Variants in UCHL3 observed in about 807,000 individuals in gnomAD.
The protein encoded by UCHL3 is ubiquitin C-terminal hydrolase L3, also known as ubiquitin carboxyl-terminal hydrolase isozyme L3.
A neutral mutation model predicts 35.8 loss-of-function variants in UCHL3; 22 were observed. The ratio of observed to expected loss-of-function variants is 0.61; its 90% confidence interval spans 0.44 to 0.88. The LOEUF (loss-of-function observed/expected upper bound fraction) is 0.88, where lower values mean the gene tolerates loss of function less well. Ranked by LOEUF, UCHL3 falls within the 40% of genes least tolerant of loss-of-function variation. UCHL3 has a pLI of 0.00. For missense variants in UCHL3, 229 were observed against 276.9 expected, an observed-to-expected ratio of 0.83 and a Z score of 1.23; for synonymous variants, 90 against 92.8, an observed-to-expected ratio of 0.97 and a Z score of 0.17.
chr13:75,573,519 G>T (rs980727790), intron 6 of UCHL3, among the ~76,000 whole-genome samples: 3 of 152,136 alleles, frequency 2.0e-5, no homozygotes, highest in African/African-American at 4.8e-5. Context: ...TGTCAGCAGG[G>T]TTGGCTTCTA....
At chr13:75,556,627 A>G (rs2031301062) in intron 2 of UCHL3, among the ~76,000 whole-genome samples, 1 of 152,178 alleles carries the variant, frequency 6.6e-6, no homozygotes, top group African/African-American at 2.4e-5. Flanking sequence ...AGAATTTGTT[A>G]TAATTTAGGG....
chr13:75,549,929 G>A (rs770547075), intron 1 of UCHL3, 47 bp from the exon 2 acceptor site: 1 of 1,614,202 alleles, frequency 6.2e-7, no homozygotes, highest in Non-Finnish European at 8.5e-7. Context: ...GCTGCCGCGA[G>A]TCCACGGTGG....
At chr13:75,588,732 T>G (rs1208572583) in intron 6 of UCHL3, among the ~76,000 whole-genome samples, 1 of 152,194 alleles carries the variant, frequency 6.6e-6, no homozygotes, top group Non-Finnish European at 1.5e-5. Context: ...TCATGTTCCT[T>G]AAGAGAAATC....
At chr13:75,591,588 T>G (rs1470206621) in intron 6 of UCHL3, among the ~76,000 whole-genome samples, 5 of 152,220 alleles carry the variant, frequency 3.3e-5, no homozygotes, top group Admixed American at 6.5e-5. Context: ...ATGTTGATCT[T>G]GGCTCCATAT....
intron 6 of UCHL3, among the ~76,000 whole-genome samples, chr13:75,593,687 C>A (rs1214537118): frequency 6.6e-6 from 1 of 152,152 alleles, no homozygotes; most frequent in Non-Finnish European, 1.5e-5. Flanking sequence ...CTTGCCACAT[C>A]AGTTTATGTT....
At chr13:75,590,274 ATCTC>A in intron 6 of UCHL3, 1 of 1,172,438 alleles carries the variant, frequency 8.5e-7, no homozygotes, top group Non-Finnish European at 1.1e-6. Context: ...TTGCAAGCAT[ATCTC>A]TATGCTTTGC....
chr13:75,603,229 ATCT>A (rs1410126853), intron 7 of UCHL3, among the ~76,000 whole-genome samples: 1 of 152,134 alleles, frequency 6.6e-6, no homozygotes, highest in Admixed American at 6.5e-5. Flanking sequence ...GCCTCAAGCA[ATCT>A]TCTTAAATTA....
chr13:75,550,583 A>G (rs761240122), intron 2 of UCHL3, among the ~76,000 whole-genome samples: 14 of 152,068 alleles, frequency 9.2e-5, no homozygotes, highest in Admixed American at 3.9e-4. Context: ...TTTGCAATCT[A>G]TAGCAATTTA....
intron 2 of UCHL3, among the ~76,000 whole-genome samples, chr13:75,550,994 A>G (rs2031084406): frequency 6.6e-6 from 1 of 152,202 alleles, no homozygotes; most frequent in African/African-American, 2.4e-5. Context: ...TTTTTAAATC[A>G]GGCTAAGGAA....
At chr13:75,565,106 AT>A (rs920256653) in intron 3 of UCHL3, among the ~76,000 whole-genome samples, 20 of 151,892 alleles carry the variant, frequency 1.3e-4, no homozygotes, top group Middle Eastern at 3.4e-3. Flanking sequence ...TCTTGGCCTT[AT>A]TTTTTTTAAT....
At chr13:75,571,262 T>C (rs1295834374) in intron 6 of UCHL3, among the ~76,000 whole-genome samples, 1 of 152,198 alleles carries the variant, frequency 6.6e-6, no homozygotes, top group Non-Finnish European at 1.5e-5. Flanking sequence ...TTTGCCATAC[T>C]TCTCTTGCCC....
chr13:75,566,448 C>T (rs929394978), intron 3 of UCHL3, among the ~76,000 whole-genome samples: 13 of 152,258 alleles, frequency 8.5e-5, no homozygotes, highest in Non-Finnish European at 1.2e-4. Flanking sequence ...GTAACGTGAT[C>T]GTACAAATAC....
At chr13:75,581,516 ATTTTTT>A (rs11330521) in intron 6 of UCHL3, among the ~76,000 whole-genome samples, 3 of 109,394 alleles carry the variant, frequency 2.7e-5, no homozygotes, top group Admixed American at 1.9e-4. Context: ...CACCTGGCTA[ATTTTTT>A]TTTTTTTTTT....
At chr13:75,566,993 G>A in intron 4 of UCHL3, 142 bp downstream of exon 4, 1 of 1,041,078 alleles carries the variant, frequency 9.6e-7, no homozygotes, top group South Asian at 1.7e-5. Context: ...TGTATATACT[G>A]TTAGAAGAAA....
At chr13:75,579,611 C>T (rs952880990) in intron 6 of UCHL3, among the ~76,000 whole-genome samples, 4 of 151,766 alleles carry the variant, frequency 2.6e-5, no homozygotes, top group South Asian at 4.2e-4. Context: ...TTTCTGATCT[C>T]AGAATTTTAG....
chr13:75,554,814 C>T (rs1426942888), intron 2 of UCHL3, among the ~76,000 whole-genome samples: 1 of 150,552 alleles, frequency 6.6e-6, no homozygotes, highest in Non-Finnish European at 1.5e-5. Flanking sequence ...TAGGTAAACT[C>T]ATGTCACAGG....
intron 7 of UCHL3, among the ~76,000 whole-genome samples, chr13:75,602,386 A>G (rs148897808): frequency 1.3e-5 from 2 of 152,318 alleles, no homozygotes; most frequent in Non-Finnish European, 2.9e-5. Context: ...ACTACCAAAA[A>G]GTCAGGCCAC....
At chr13:75,572,592 A>G (rs1395801407) in intron 6 of UCHL3, among the ~76,000 whole-genome samples, 2 of 152,126 alleles carry the variant, frequency 1.3e-5, no homozygotes, top group African/African-American at 4.8e-5. Context: ...ACTGTTCCTT[A>G]CACATAAGTA....
chr13:75,575,550 A>G (rs780012825), intron 6 of UCHL3, among the ~76,000 whole-genome samples: 5 of 152,194 alleles, frequency 3.3e-5, no homozygotes, highest in Non-Finnish European at 7.3e-5. Flanking sequence ...TTCCAGTACC[A>G]GCCCTATGAG....
Sources: gnomAD v4.1 joint callset for allele counts (sites outside exome capture counted in the v4.1 genomes callset) on GRCh38, gnomAD v4.1.1 for gene constraint, MANE v1.5 for transcripts, NCBI Gene and HGNC (gene_info 2026-07-23, HGNC 2026-07-21) for gene names.